The following BSN variants were observed in gnomAD, a reference collection of about 807,000 sequenced individuals.
BSN encodes protein bassoon.
In BSN, 57 loss-of-function variants were observed where a neutral mutation model predicts 264.8. The observed-to-expected ratio is 0.22, with a 90% CI of 0.17 to 0.27. The LOEUF (loss-of-function observed/expected upper bound fraction) is 0.27, where lower values mean the gene tolerates loss of function less well. Ranked by LOEUF, BSN falls within the 10% of genes least tolerant of loss-of-function variation. The probability of loss-of-function intolerance (pLI) is 1.00; values close to 1 mark genes in which losing one functional copy is unlikely to be tolerated. For synonymous variants in BSN, 2,059 were observed against 2,137.3 expected, an observed-to-expected ratio of 0.96 and a Z score of 1.01; for missense variants, 4,615 against 5,232.5, an observed-to-expected ratio of 0.88 and a Z score of 3.64.
intron 1 of BSN, among the ~76,000 whole-genome samples, chr3:49,594,879 C>G (rs2052009291): frequency 7.4e-6 from 1 of 136,020 alleles, no homozygotes; most frequent in South Asian, 2.5e-4. Context: ...TTTTAACGTA[C>G]AGATCCTACA....
At chr3:49,617,256 TTAAAG>T (rs1178327944) in intron 1 of BSN, among the ~76,000 whole-genome samples, 3 of 138,608 alleles carry the variant, frequency 2.2e-5, no homozygotes, top group African/African-American at 8.1e-5. Flanking sequence ...GTCCCAGAAC[TTAAAG>T]TAAAATAAAA....
chr3:49,598,430 G>A (rs1375376402), intron 1 of BSN, among the ~76,000 whole-genome samples: 1 of 152,028 alleles, frequency 6.6e-6, no homozygotes, highest in African/African-American at 2.4e-5. Flanking sequence ...TTTTATCCTA[G>A]GGGTCACCCC....
chr3:49,590,831 TTCAGTGGC>T (rs1480778566), intron 1 of BSN, among the ~76,000 whole-genome samples: 14 of 151,940 alleles, frequency 9.2e-5, no homozygotes, highest in African/African-American at 3.4e-4. Flanking sequence ...AGAGGCCAGG[TTCAGTGGC>T]TCATGCCTGT....
chr3:49,587,883 G>C (rs970044550), intron 1 of BSN, among the ~76,000 whole-genome samples: 6 of 48,010 alleles, frequency 1.2e-4, no homozygotes, highest in African/African-American at 3.2e-4. Context: ...AGGGAAAGTT[G>C]GGGTTTTTCT....
intron 1 of BSN, among the ~76,000 whole-genome samples, chr3:49,600,895 A>G (rs2052068540): frequency 6.6e-6 from 1 of 152,166 alleles, no homozygotes; most frequent in African/African-American, 2.4e-5. Context: ...TGTGTATGGC[A>G]TGCATGGAGG....
chr3:49,566,474 C>A (rs2051752641), intron 1 of BSN, among the ~76,000 whole-genome samples: 1 of 152,094 alleles, frequency 6.6e-6, no homozygotes, highest in African/African-American at 2.4e-5. Context: ...GTCTCCTTGA[C>A]CTACTTTAGT....
chr3:49,617,572 G>A (rs2052270693), intron 1 of BSN, among the ~76,000 whole-genome samples: 1 of 152,130 alleles, frequency 6.6e-6, no homozygotes, highest in Non-Finnish European at 1.5e-5. Flanking sequence ...TCCTTGGGGT[G>A]GGCTGGGTCC....
Position 49,657,503 on chromosome 3 carries a change from C to T in BSN, c.7947C>T (p.Ala2649=). The change falls in exon 5 of 12, where the codon GCC becomes GCT. Residue 2649 remains alanine (A), a synonymous_variant. Coordinates refer to ENST00000296452, the MANE Select transcript of BSN (RefSeq NM_003458.4). ...CTGACAGCAAGCACGATGCCACTGC[C>T]TCATCATCCAGTGCTGCTGCCACTG... is the stretch of plus-strand genomic sequence containing the variant. ...SGSDSKHDAT[A]SSSSAAATVR... 1 of 1,613,220 alleles carries T rather than the reference C, an allele frequency of 6.2e-7. No homozygotes were observed.
intron 1 of BSN, among the ~76,000 whole-genome samples, chr3:49,612,146 T>TTC (rs1421961007): frequency 6.6e-6 from 1 of 151,742 alleles, no homozygotes; most frequent in African/African-American, 2.4e-5. Flanking sequence ...ATGATTTTTT[T>TTC]TTTTTTTGAG....
chr3:49,579,684 G>A (rs1490114413), intron 1 of BSN, among the ~76,000 whole-genome samples: 1 of 151,950 alleles, frequency 6.6e-6, no homozygotes, highest in Non-Finnish European at 1.5e-5. Flanking sequence ...GCCTCCCAAG[G>A]TGCTGGGATT....
chr3:49,613,303 C>CGAGA (rs752108805), intron 1 of BSN, among the ~76,000 whole-genome samples: 2,032 of 47,332 alleles, frequency 0.043, 269 homozygotes, highest in Middle Eastern at 0.078. Context: ...ACACACAGAG[C>CGAGA]GAGAGAGAGA....
intron 1 of BSN, among the ~76,000 whole-genome samples, chr3:49,590,726 A>C (rs1304350917): frequency 8.4e-6 from 1 of 119,242 alleles, no homozygotes. Flanking sequence ...ATAAAGCATA[A>C]TAATTATTAC....
intron 1 of BSN, among the ~76,000 whole-genome samples, chr3:49,568,320 A>G (rs1389491560): frequency 6.6e-6 from 1 of 152,210 alleles, no homozygotes. Flanking sequence ...GAAAACAACA[A>G]TGGCATATAC....
chr3:49,663,063 C>T lies in BSN; in HGVS notation c.10905C>T (p.Gly3635=), dbSNP rs1328992706. The T allele has an allele frequency of 1.2e-6, 2 of 1,612,884 alleles. No homozygotes were observed. Among genetic ancestry groups the T allele is most frequent in the Non-Finnish European group, 1.7e-6 (2 of 1,179,908 alleles). ...GCCTGTGGCCTCATGATGAGGGTGG[C>T]CCAGGCCGCCATGCCTCAGCCAAGG... ...EEGLWPHDEG[G]PGRHASAKEH... The change falls in exon 7 of 12, where the codon GGC becomes GGT. Residue 3635 remains glycine, a synonymous_variant. Coordinates refer to ENST00000296452, the MANE Select transcript of BSN (RefSeq NM_003458.4).
chr3:49,554,592 G>A lies in BSN; in HGVS notation c.-11G>A, dbSNP rs1430172106. 6 of 901,502 alleles carry A rather than the reference G, an allele frequency of 6.7e-6. No homozygotes were observed. Among genetic ancestry groups the A allele is most frequent in the South Asian group, 4.9e-5 (1 of 20,600 alleles). The allele number at this position is 901,502 out of a possible 1,614,324, so 55.8% of individuals were successfully genotyped here. ...AGCGCGACCCCGACCCCGCCCGCCC[G>A]CCTGCCCGCCATGGGCAACGAGGTC... On this transcript the variant is annotated 5_prime_UTR_variant, in exon 1 of 12. Transcript: ENST00000296452.
chr3:49,650,953 G>A lies in BSN; in HGVS notation c.1860G>A (p.Pro620=), dbSNP rs1369895463. The change falls in exon 4 of 12, where the codon CCG becomes CCA. Residue 620 remains proline, a synonymous_variant. Transcript: ENST00000296452. ...TRVPTKAEPM[P]KPPPETTPTP... Reference sequence around the variant, plus strand: ...TCCCCACTAAAGCTGAGCCCATGCCGAAGCCACCTCCAGAGACTACCCCAA... The same window carrying A: ...TCCCCACTAAAGCTGAGCCCATGCCAAAGCCACCTCCAGAGACTACCCCAA... The A allele has an allele frequency of 4.3e-6, 7 of 1,614,024 alleles. No individual in the cohort carries two copies. The highest frequency in any genetic ancestry group is 1.1e-5 in the South Asian group (1 of 91,086).
intron 5 of BSN, 74 bp downstream of exon 5, chr3:49,658,270 C>G: frequency 1.4e-6 from 2 of 1,463,462 alleles, no homozygotes; most frequent in Non-Finnish European, 1.8e-6. Flanking sequence ...CAGGGAGGGG[C>G]TTCTTCTGGG....
chr3:49,653,079 C>T lies in BSN; in HGVS notation c.3523C>T (p.Pro1175Ser). The T allele has an allele frequency of 6.2e-7, 1 of 1,613,596 alleles. No individual in the cohort carries two copies. Among genetic ancestry groups the T allele is most frequent in the Non-Finnish European group, 8.5e-7 (1 of 1,180,040 alleles). The change falls in exon 5 of 12, where the codon CCC becomes TCC. Residue 1175 changes from proline (P) to serine (S), a missense_variant. Coordinates refer to ENST00000296452, the MANE Select transcript of BSN (RefSeq NM_003458.4). The surrounding 1 kb of genome is among the most constrained non-coding windows in gnomAD (Gnocchi z 6.3). ...GACACCCTCCGGCAGCTCCACCACTCCCAGTTCCGGACGGCCGCTCAAGAG... is the reference window on the plus strand; with the variant it reads ...GACACCCTCCGGCAGCTCCACCACTTCCAGTTCCGGACGGCCGCTCAAGAG... ...TETPSGSSTTPSSGRPLKSAE... is the reference protein window; with the variant it reads ...TETPSGSSTTSSSGRPLKSAE...
chr3:49,566,788 GAAAA>G (rs36043715), intron 1 of BSN, among the ~76,000 whole-genome samples: 1 of 86,072 alleles, frequency 1.2e-5, no homozygotes, highest in African/African-American at 4.4e-5. Context: ...TGTGTTTCAG[GAAAA>G]AAAAAAAAAA....
Sources: gnomAD v4.1 joint callset for allele counts (sites outside exome capture counted in the v4.1 genomes callset) on GRCh38, gnomAD v4.1.1 for gene constraint, Gnocchi (gnomAD v3.1) non-coding constraint, MANE v1.5 for transcripts, NCBI Gene and HGNC (gene_info 2026-07-23, HGNC 2026-07-21) for gene names.